Variants in TMOD3 observed in about 807,000 individuals in gnomAD.
The protein encoded by TMOD3 is tropomodulin-3.
A neutral mutation model predicts 39.2 loss-of-function variants in TMOD3; 20 were observed. The observed-to-expected ratio is 0.51, with a 90% confidence interval of 0.36 to 0.74. TMOD3 has a LOEUF of 0.74. TMOD3 is among the 30% of genes least tolerant of loss of function. TMOD3 has a pLI of 0.00. For missense variants in TMOD3, 381 were observed against 412.8 expected (o/e 0.92, Z 0.67); for synonymous variants, 143 against 145.8 (o/e 0.98, Z 0.14).
At chr15:51,898,624 G>T (rs1291720232) in intron 7 of TMOD3, among the ~76,000 whole-genome samples, 1 of 152,198 alleles carries the variant, frequency 6.6e-6, no homozygotes, top group Admixed American at 6.5e-5. Context: ...ATAGCTAGTT[G>T]TTGCTAATAG....
chr15:51,898,586 T>C (rs990891887), intron 7 of TMOD3, among the ~76,000 whole-genome samples: 2 of 152,252 alleles, frequency 1.3e-5, no homozygotes, highest in South Asian at 4.1e-4. Flanking sequence ...CGAATACATG[T>C]ATGGATAAGG....
chr15:51,858,143 T>G (rs1204944994), intron 1 of TMOD3: 1 of 152,068 alleles, frequency 6.6e-6, no homozygotes, highest in Non-Finnish European at 1.5e-5. Context: ...GCCTCAAACT[T>G]CTGGGCTCAA....
chr15:51,844,654 T>G (rs2056327203), intron 1 of TMOD3, among the ~76,000 whole-genome samples: 1 of 152,226 alleles, frequency 6.6e-6, no homozygotes, highest in South Asian at 2.1e-4. Flanking sequence ...TACTTTAGTA[T>G]TCTTACTACA....
At chr15:51,888,384 CGCCACA>C (rs1372113869) in intron 4 of TMOD3, among the ~76,000 whole-genome samples, 2 of 152,082 alleles carry the variant, frequency 1.3e-5, no homozygotes, top group Non-Finnish European at 2.9e-5. Context: ...CTAGGTGTGA[CGCCACA>C]GCCACAGCAG....
intron 9 of TMOD3, among the ~76,000 whole-genome samples, chr15:51,902,642 GTATTTTTT>G (rs1452133865): frequency 0.011 from 705 of 63,312 alleles, 10 homozygotes; most frequent in South Asian, 0.064. Context: ...GCTAATTTTT[GTATTTTTT>G]TTTTTTTTTT....
chr15:51,870,383 A>G (rs973547220), intron 3 of TMOD3, among the ~76,000 whole-genome samples: 1 of 152,254 alleles, frequency 6.6e-6, no homozygotes, highest in African/African-American at 2.4e-5. Flanking sequence ...TGTGTATAGA[A>G]TACTGGGGAA....
chr15:51,893,294 CAAAAAAAAAAA>C (rs59321162), intron 5 of TMOD3, among the ~76,000 whole-genome samples: 197 of 59,022 alleles, frequency 3.3e-3, no homozygotes, highest in African/African-American at 0.013. Context: ...GACTCCATCT[CAAAAAAAAAAA>C]AAAAAAAAAA....
chr15:51,848,156 T>C (rs938844143), intron 1 of TMOD3, among the ~76,000 whole-genome samples: 1 of 152,220 alleles, frequency 6.6e-6, no homozygotes, highest in African/African-American at 2.4e-5. Context: ...ATTGCTGTGG[T>C]TTACAAGCTA....
Position 51,908,794 on chromosome 15 carries a change from A to G in TMOD3, c.1043A>G (p.Glu348Gly), listed in dbSNP as rs148821059. The change falls in exon 10 of 10, where the codon GAA (glutamate) becomes GGA (glycine). Residue 348 changes from glutamate (E) to glycine (G), a missense_variant. By Grantham distance (98) the Glu-to-Gly change is moderately conservative (BLOSUM62 -2). Coordinates refer to ENST00000308580, the MANE Select transcript of TMOD3 (RefSeq NM_014547.5). The part of the protein sequence containing the change: ...NNDLVRKRRV[E>G]GDHQ ...CTCATAGTGCGTAAGAGACGAGTTG[A>G]AGGAGATCACCAGTAAGTCTGCAAA... 20 of 1,608,530 alleles carry G rather than the reference A, an allele frequency of 1.2e-5. No individual in the cohort carries two copies. The highest frequency in any genetic ancestry group is 1.2e-4 in the African/African-American group (9 of 74,876).
intron 2 of TMOD3, among the ~76,000 whole-genome samples, chr15:51,867,670 C>T (rs1277128920): frequency 2.6e-5 from 4 of 152,196 alleles, no homozygotes; most frequent in Non-Finnish European, 4.4e-5. Context: ...TGAAATTCAG[C>T]GTCACTGCCA....
chr15:51,894,414 G>GT (rs1488258308), intron 6 of TMOD3, among the ~76,000 whole-genome samples: 1 of 151,978 alleles, frequency 6.6e-6, no homozygotes, highest in African/African-American at 2.4e-5. Context: ...AATAAAACCT[G>GT]TTTTTTTGAG....
At chr15:51,896,357 A>G in intron 6 of TMOD3, 62 bp from the exon 7 acceptor site, 1 of 1,188,590 alleles carries the variant, frequency 8.4e-7, no homozygotes, top group Non-Finnish European at 1.2e-6. Context: ...ATATTTGATT[A>G]ATGGAAACTA....
At chr15:51,869,802 T>G (rs1327694054) in intron 3 of TMOD3, among the ~76,000 whole-genome samples, 1 of 152,250 alleles carries the variant, frequency 6.6e-6, no homozygotes, top group African/African-American at 2.4e-5. Context: ...CCATCATTAT[T>G]AATTCATGGT....
At position 51,900,203 on chromosome 15, in the gene TMOD3, GT is replaced by G; in HGVS notation, c.785del (p.Val262GlyfsTer14). Reference sequence around the variant, plus strand: ...GAACAAAACTTTGAAGAGCTTAAATGTGGAGTCCAACTTTATCACGGGAGTT... The same window carrying G: ...GAACAAAACTTTGAAGAGCTTAAATGGGAGTCCAACTTTATCACGGGAGTT... ...KVNKTLKSLN[V>X]ESNFITGVGI... On this transcript the variant is annotated frameshift_variant, in exon 8 of 10. Transcript: ENST00000308580. LOFTEE classifies it high-confidence loss of function. The G allele has an allele frequency of 1.2e-6, 2 of 1,614,256 alleles. No individual in the cohort carries two copies. Among genetic ancestry groups the G allele is most frequent in the Non-Finnish European group, 1.7e-6 (2 of 1,180,052 alleles).
At chr15:51,848,008 G>A (rs975038061) in intron 1 of TMOD3, among the ~76,000 whole-genome samples, 1 of 152,084 alleles carries the variant, frequency 6.6e-6, no homozygotes, top group African/African-American at 2.4e-5. Context: ...TTATAAAAGA[G>A]GCCCTAGAGA....
chr15:51,880,514 C>T (rs1452668335), intron 3 of TMOD3, among the ~76,000 whole-genome samples: 1 of 152,180 alleles, frequency 6.6e-6, no homozygotes. Context: ...TTCCCTAGCC[C>T]TTGACAACCA....
At chr15:51,888,714 A>T (rs2141700726) in intron 4 of TMOD3, among the ~76,000 whole-genome samples, 1 of 152,288 alleles carries the variant, frequency 6.6e-6, no homozygotes, top group East Asian at 1.9e-4. Context: ...TGTTCCTAGA[A>T]ACCTTGTGAA....
At chr15:51,861,152 T>C (rs912259242) in intron 1 of TMOD3, 7 of 502,028 alleles carry the variant, frequency 1.4e-5, no homozygotes, top group African/African-American at 1.4e-4. Flanking sequence ...TGAAAAGGGC[T>C]CTTTCCTGGA....
At chr15:51,882,665 A>G (rs1277897231) in intron 3 of TMOD3, among the ~76,000 whole-genome samples, 1 of 152,200 alleles carries the variant, frequency 6.6e-6, no homozygotes, top group Non-Finnish European at 1.5e-5. Context: ...GTTATATTCT[A>G]TTGATCTAAA....
Sources: gnomAD v4.1 joint callset for allele counts (sites outside exome capture counted in the v4.1 genomes callset) on GRCh38, gnomAD v4.1.1 for gene constraint, MANE v1.5 for transcripts, NCBI Gene and HGNC (gene_info 2026-07-23, HGNC 2026-07-21) for gene names.